The following GDPD4 variants were observed in gnomAD, a reference collection of about 807,000 sequenced individuals.
GDPD4 encodes glycerophosphodiester phosphodiesterase domain containing 4, also known as glycerophosphodiester phosphodiesterase 6.
GDPD4 carries 60 observed loss-of-function variants against 67.8 expected under a neutral mutation model. The ratio of observed to expected loss-of-function variants is 0.88; its 90% confidence interval spans 0.72 to 1.10. GDPD4 has a LOEUF of 1.10. Ranked by LOEUF, GDPD4 falls within the 50% of genes least tolerant of loss-of-function variation. The probability of loss-of-function intolerance (pLI) is 0.00; values close to 1 mark genes in which losing one functional copy is unlikely to be tolerated. For missense variants in GDPD4, 623 were observed against 613.9 expected (o/e 1.01, Z -0.16); for synonymous variants, 212 against 210.9 (o/e 1.00, Z -0.04).
intron 5 of GDPD4, 152 bp from the exon 6 acceptor site, chr11:77,271,545 T>C: frequency 1.6e-6 from 1 of 613,406 alleles, no homozygotes; most frequent in Non-Finnish European, 2.9e-6. Flanking sequence ...ATCTTGTTTT[T>C]CCTGCAAATC....
intron 13 of GDPD4, among the ~76,000 whole-genome samples, chr11:77,240,240 C>T (rs1958636974): frequency 6.6e-6 from 1 of 151,994 alleles, no homozygotes; most frequent in Non-Finnish European, 1.5e-5. Context: ...TTTCAAAATA[C>T]ATTATAAAGA....
At chr11:77,256,343 T>C (rs1305892460) in intron 11 of GDPD4, among the ~76,000 whole-genome samples, 5 of 152,322 alleles carry the variant, frequency 3.3e-5, no homozygotes, top group Middle Eastern at 3.4e-3. Context: ...ATGAGACATA[T>C]TGCAGACGCT....
chr11:77,298,182 C>T (rs1029591697), intron 1 of GDPD4, among the ~76,000 whole-genome samples: 127 of 152,172 alleles, frequency 8.3e-4, no homozygotes, highest in African/African-American at 2.7e-3. Context: ...CATTTGCCTT[C>T]CATTTCCTTG....
chr11:77,290,618 T>C (rs1418874866), intron 1 of GDPD4, among the ~76,000 whole-genome samples: 2 of 152,080 alleles, frequency 1.3e-5, no homozygotes, highest in African/African-American at 4.8e-5. Flanking sequence ...AAGAGGAATG[T>C]TGAGAGGGAA....
At chr11:77,263,803 C>T (rs1311328060) in intron 10 of GDPD4, among the ~76,000 whole-genome samples, 3 of 152,060 alleles carry the variant, frequency 2.0e-5, no homozygotes, top group African/African-American at 7.2e-5. Flanking sequence ...GTAGGCAATA[C>T]CAACAGAAAC....
intron 1 of GDPD4, among the ~76,000 whole-genome samples, chr11:77,289,020 A>AG (rs1310671489): frequency 5.0e-5 from 7 of 140,724 alleles, no homozygotes; most frequent in Non-Finnish European, 9.3e-5. Context: ...AAACAGAAGG[A>AG]GGGGAGGGGA....
intron 13 of GDPD4, among the ~76,000 whole-genome samples, chr11:77,235,009 G>GTGTTTTTTTT (rs1413310722): frequency 1.9e-5 from 1 of 52,254 alleles, no homozygotes; most frequent in African/African-American, 6.3e-5. Context: ...GTCAATATCT[G>GTGTTTTTTTT]TTTTTTTTTT....
At chr11:77,275,536 A>G (rs1174710956) in intron 5 of GDPD4, among the ~76,000 whole-genome samples, 1 of 152,186 alleles carries the variant, frequency 6.6e-6, no homozygotes, top group Non-Finnish European at 1.5e-5. Context: ...AAACACACAT[A>G]GAAAACGTCC....
At chr11:77,250,135 G>A (rs533949357) in intron 11 of GDPD4, among the ~76,000 whole-genome samples, 181 of 151,958 alleles carry the variant, frequency 1.2e-3, no homozygotes, top group Non-Finnish European at 1.1e-3. Context: ...ACATGTGCCG[G>A]TTTGTTACCT....
At chr11:77,248,207 T>C (rs1402760037) in intron 11 of GDPD4, among the ~76,000 whole-genome samples, 1 of 142,146 alleles carries the variant, frequency 7.0e-6, no homozygotes, top group Non-Finnish European at 1.6e-5. Flanking sequence ...TTTCTTTTCT[T>C]TTTTTTTTTT....
intron 14 of GDPD4, among the ~76,000 whole-genome samples, chr11:77,231,685 G>A (rs1214017938): frequency 6.6e-6 from 1 of 152,130 alleles, no homozygotes; most frequent in Non-Finnish European, 1.5e-5. Context: ...CCTCCCAAAG[G>A]GACAACTTTG....
At position 77,268,540 on chromosome 11, in the gene GDPD4, C is replaced by T. The variant is rs1959189846; in HGVS notation, c.625-1G>A. 1.9e-6 allele frequency: 3 copies of T among 1,609,980 alleles called. No homozygotes were observed. The highest frequency in any genetic ancestry group is 2.7e-5 in the African/African-American group (2 of 74,758). On this transcript the variant is annotated splice_acceptor_variant, in intron 9 of 16. Coordinates refer to ENST00000315938, the MANE Select transcript of GDPD4 (RefSeq NM_182833.3). LOFTEE classifies it high-confidence loss of function. ...ACATCATGGTATTCTCAGGCCCCAA[C>T]TGTAGAAGAAAAGGACATCAGGCCC...
chr11:77,268,164 G>T (rs980731541), intron 10 of GDPD4, among the ~76,000 whole-genome samples: 1 of 151,980 alleles, frequency 6.6e-6, no homozygotes, highest in Non-Finnish European at 1.5e-5. Flanking sequence ...AATTGCTAAG[G>T]TAGTACATAG....
chr11:77,285,193 A>G lies in GDPD4; in HGVS notation c.-50-6T>C. On this transcript the variant is annotated splice_region_variant and splice_polypyrimidine_tract_variant and intron_variant, in intron 2 of 16. Transcript: ENST00000315938. Reference sequence around the variant, plus strand: ...CGGCAAAATAATTGCTCTTTCTGGGAAAAGAAAAAAGAAATCTAACTTAGC... The same window carrying G: ...CGGCAAAATAATTGCTCTTTCTGGGGAAAGAAAAAAGAAATCTAACTTAGC... 1 of 1,334,626 alleles carries G rather than the reference A, an allele frequency of 7.5e-7. No individual in the cohort carries two copies. The allele number at this position is 1,334,626 out of a possible 1,614,324, so 82.7% of individuals were successfully genotyped here.
intron 10 of GDPD4, among the ~76,000 whole-genome samples, chr11:77,259,584 A>G (rs902342395): frequency 1.4e-5 from 2 of 145,532 alleles, no homozygotes; most frequent in African/African-American, 5.0e-5. Context: ...AAAAAAAATG[A>G]CATAAGCAAT....
intron 10 of GDPD4, among the ~76,000 whole-genome samples, chr11:77,260,328 A>AG (rs368880820): frequency 0.025 from 3,600 of 142,246 alleles, 160 homozygotes; most frequent in African/African-American, 0.09. Flanking sequence ...TGGTCGGGGG[A>AG]GGGGGGGGAA....
At chr11:77,273,688 T>TG (rs1287848616) in intron 5 of GDPD4, among the ~76,000 whole-genome samples, 5 of 152,214 alleles carry the variant, frequency 3.3e-5, no homozygotes. Flanking sequence ...GAGGTTCTGA[T>TG]TGTTTGGTTA....
intron 11 of GDPD4, among the ~76,000 whole-genome samples, chr11:77,256,969 C>T (rs1419718303): frequency 6.6e-6 from 1 of 152,186 alleles, no homozygotes; most frequent in African/African-American, 2.4e-5. Context: ...TAGGTAAGTC[C>T]ATCTGTACAT....
intron 10 of GDPD4, among the ~76,000 whole-genome samples, chr11:77,259,103 C>T (rs978144949): frequency 6.6e-6 from 1 of 152,270 alleles, no homozygotes. Flanking sequence ...CTCAGCCTCC[C>T]GAGTAGCTGA....
Sources: gnomAD v4.1 joint callset for allele counts (sites outside exome capture counted in the v4.1 genomes callset) on GRCh38, gnomAD v4.1.1 for gene constraint, MANE v1.5 for transcripts, NCBI Gene and HGNC (gene_info 2026-07-23, HGNC 2026-07-21) for gene names.